Variants in KCNQ3 observed in about 807,000 individuals in gnomAD.
KCNQ3 encodes potassium voltage-gated channel subfamily Q member 3.
A neutral mutation model predicts 92.5 loss-of-function variants in KCNQ3; 30 were observed. The observed-to-expected ratio is 0.32, with a 90% CI of 0.24 to 0.44. KCNQ3 has a LOEUF of 0.44. Among genes scored for constraint, KCNQ3 ranks in the 20% least tolerant of loss-of-function variants. The probability of loss-of-function intolerance (pLI) is 1.00; values close to 1 mark genes in which losing one functional copy is unlikely to be tolerated. For missense variants in KCNQ3, 913 were observed against 1,140.3 expected (o/e 0.80, Z 2.87); for synonymous variants, 450 against 468.8 (o/e 0.96, Z 0.52).
At chr8:132,159,331 C>G (rs1030735822) in intron 9 of KCNQ3, among the ~76,000 whole-genome samples, 1 of 152,134 alleles carries the variant, frequency 6.6e-6, no homozygotes, top group African/African-American at 2.4e-5. Context: ...CTATTCTTTT[C>G]AAGAACTGAG....
intron 1 of KCNQ3, among the ~76,000 whole-genome samples, chr8:132,283,654 G>C (rs1234625895): frequency 6.6e-6 from 1 of 152,212 alleles, no homozygotes; most frequent in African/African-American, 2.4e-5. Flanking sequence ...CCCTATGCCA[G>C]GTTAGACAAT....
chr8:132,174,721 G>A (rs1232986099), intron 5 of KCNQ3, among the ~76,000 whole-genome samples: 1 of 152,208 alleles, frequency 6.6e-6, no homozygotes, highest in African/African-American at 2.4e-5. Context: ...TATGTCTAAT[G>A]TCTGTGCATG....
intron 1 of KCNQ3, among the ~76,000 whole-genome samples, chr8:132,468,112 G>A (rs1052576480): frequency 6.6e-6 from 1 of 152,252 alleles, no homozygotes; most frequent in Admixed American, 6.5e-5. Flanking sequence ...GCTGATTAGT[G>A]TGATTAGACT....
intron 1 of KCNQ3, among the ~76,000 whole-genome samples, chr8:132,299,682 T>G (rs1229915237): frequency 6.6e-6 from 1 of 152,236 alleles, no homozygotes; most frequent in African/African-American, 2.4e-5. Context: ...CCAAATTAAA[T>G]GACATGCCCT....
At chr8:132,226,426 T>TGTCC (rs1427211944) in intron 1 of KCNQ3, among the ~76,000 whole-genome samples, 3 of 152,238 alleles carry the variant, frequency 2.0e-5, no homozygotes, top group Admixed American at 2.0e-4. Flanking sequence ...TGGGCGCGCA[T>TGTCC]GCGTGTGTAG....
intron 1 of KCNQ3, among the ~76,000 whole-genome samples, chr8:132,474,189 G>A (rs1822355695): frequency 6.6e-6 from 1 of 152,216 alleles, no homozygotes; most frequent in Admixed American, 6.5e-5. Flanking sequence ...AGGTATGTAT[G>A]ACTTTTAAGG....
intron 1 of KCNQ3, among the ~76,000 whole-genome samples, chr8:132,469,685 C>T (rs1822254488): frequency 6.6e-6 from 1 of 151,856 alleles, no homozygotes; most frequent in East Asian, 1.9e-4. Flanking sequence ...AGACCCAAAC[C>T]AAAGAGAAAA....
intron 1 of KCNQ3, among the ~76,000 whole-genome samples, chr8:132,252,229 T>C (rs770574330): frequency 1.2e-4 from 18 of 152,196 alleles, no homozygotes; most frequent in Non-Finnish European, 2.1e-4. Flanking sequence ...TGGACCCTCA[T>C]GGTGAGTGCT....
At chr8:132,407,716 T>C (rs937067786) in intron 1 of KCNQ3, among the ~76,000 whole-genome samples, 3 of 152,220 alleles carry the variant, frequency 2.0e-5, no homozygotes, top group Non-Finnish European at 4.4e-5. Context: ...TGCTCAAATG[T>C]ACACTGTCCT....
At chr8:132,441,823 C>A (rs1821545840) in intron 1 of KCNQ3, among the ~76,000 whole-genome samples, 1 of 152,070 alleles carries the variant, frequency 6.6e-6, no homozygotes, top group African/African-American at 2.4e-5. Context: ...CTGGAATCAA[C>A]CTAAATATCC....
chr8:132,480,959 C>T lies in KCNQ3; in HGVS notation c.-427G>A, dbSNP rs1280086988. 1 of 154,392 alleles carries T rather than the reference C, an allele frequency of 6.5e-6. No individual in the cohort carries two copies. The highest frequency in any genetic ancestry group is 1.9e-4 in the East Asian group (1 of 5,230). 9.6% of individuals were successfully genotyped at this position (154,392 alleles called of 1,614,324 possible). On this transcript the variant is annotated 5_prime_UTR_variant, in exon 1 of 15. Transcript: ENST00000388996. The stretch of plus-strand genomic sequence containing the variant: ...TTACAAGCCCGGTGCCAGCCGCCCT[C>T]CCGCCCGCCAGCCACACGCGCCGCC...
intron 1 of KCNQ3, among the ~76,000 whole-genome samples, chr8:132,229,733 C>G (rs574861106): frequency 1.3e-5 from 2 of 151,874 alleles, no homozygotes; most frequent in Non-Finnish European, 2.9e-5. Context: ...GTGGGACACC[C>G]CAGGGCCTTC....
intron 1 of KCNQ3, among the ~76,000 whole-genome samples, chr8:132,209,123 G>A (rs1161578793): frequency 1.3e-5 from 2 of 152,162 alleles, no homozygotes; most frequent in Non-Finnish European, 2.9e-5. Context: ...CAGGTCACTT[G>A]TGGGTATTTG....
chr8:132,381,925 T>C (rs1323491131), intron 1 of KCNQ3, among the ~76,000 whole-genome samples: 1 of 152,206 alleles, frequency 6.6e-6, no homozygotes, highest in Admixed American at 6.5e-5. Flanking sequence ...AACATGTGGG[T>C]AGACCCCTTC....
chr8:132,372,774 A>C (rs1188979040), intron 1 of KCNQ3, among the ~76,000 whole-genome samples: 2 of 98,228 alleles, frequency 2.0e-5, no homozygotes, highest in African/African-American at 9.1e-5. Context: ...AAAAAAAAAC[A>C]AAAAAAAAAA....
chr8:132,325,150 C>T (rs965665425), intron 1 of KCNQ3, among the ~76,000 whole-genome samples: 5 of 152,116 alleles, frequency 3.3e-5, no homozygotes, highest in Non-Finnish European at 7.4e-5. Context: ...GAGCCTTGTC[C>T]TGGGGTCCTG....
At chr8:132,466,416 C>T (rs993065263) in intron 1 of KCNQ3, among the ~76,000 whole-genome samples, 1 of 152,130 alleles carries the variant, frequency 6.6e-6, no homozygotes, top group Non-Finnish European at 1.5e-5. Context: ...TCACTCCCAG[C>T]CCCTGCCAAA....
chr8:132,240,369 A>G (rs1418455138), intron 1 of KCNQ3, among the ~76,000 whole-genome samples: 2 of 151,968 alleles, frequency 1.3e-5, no homozygotes, highest in South Asian at 2.1e-4. Flanking sequence ...TATTTTTAGT[A>G]GAGACTGGAT....
chr8:132,443,258 A>T (rs1587025019), intron 1 of KCNQ3, among the ~76,000 whole-genome samples: 1 of 151,446 alleles, frequency 6.6e-6, no homozygotes, highest in Admixed American at 6.6e-5. Context: ...CATCCCTTCC[A>T]CCCCCAGCAC....
Sources: allele counts gnomAD v4.1 joint callset (sites outside exome capture counted in the v4.1 genomes callset), GRCh38; gene constraint gnomAD v4.1.1; transcripts MANE v1.5; gene names NCBI Gene and HGNC (gene_info 2026-07-23, HGNC 2026-07-21).